MRGPRX3: variants seen among roughly 807,000 people sequenced by gnomAD.
MRGPRX3 encodes mas-related G protein-coupled receptor member X3.
MRGPRX3 carries 14 observed loss-of-function variants against 16.5 expected under a neutral mutation model. That is an observed-to-expected ratio of 0.85 (90% confidence interval 0.56 to 1.33). The LOEUF is 1.33. MRGPRX3 is among the 40% of genes most tolerant of loss of function. MRGPRX3 has a pLI of 0.00. For synonymous variants in MRGPRX3, 199 were observed against 180.1 expected (o/e 1.10, Z -0.84); for missense variants, 449 against 413.0 (o/e 1.09, Z -0.76).
upstream of MRGPRX3, among the ~76,000 whole-genome samples, chr11:18,131,284 A>G (rs765875589): frequency 6.6e-6 from 1 of 152,212 alleles, no homozygotes; most frequent in Non-Finnish European, 1.5e-5. Flanking sequence ...CAAACTAAGC[A>G]TCTGACCAAG....
At chr11:18,124,778 TG>T (rs201885769) in intron 1 of MRGPRX3, among the ~76,000 whole-genome samples, 2,733 of 152,314 alleles carry the variant, frequency 0.018, 99 homozygotes, top group African/African-American at 0.063. Context: ...AGCTCCTCCT[TG>T]TACCTCTGGT....
upstream of MRGPRX3, among the ~76,000 whole-genome samples, chr11:18,128,350 TG>T (rs933278256): frequency 6.6e-6 from 1 of 152,254 alleles, no homozygotes; most frequent in African/African-American, 2.4e-5. Context: ...TGCTGCCTTT[TG>T]TTTGGCTATG....
chr11:18,129,314 A>G (rs908689337), upstream of MRGPRX3, among the ~76,000 whole-genome samples: 8 of 152,254 alleles, frequency 5.3e-5, no homozygotes, highest in Non-Finnish European at 8.8e-5. Flanking sequence ...AAAAGAACAG[A>G]GAAGATTCAA....
intron 1 of MRGPRX3, among the ~76,000 whole-genome samples, chr11:18,125,058 A>G (rs1443759631): frequency 3.5e-5 from 5 of 142,698 alleles, no homozygotes; most frequent in Admixed American, 1.5e-4. Flanking sequence ...TTTTTATTGC[A>G]TCTATTTGAT....
chr11:18,128,051 G>C (rs980193811), upstream of MRGPRX3, among the ~76,000 whole-genome samples: 2 of 152,234 alleles, frequency 1.3e-5, no homozygotes, highest in Non-Finnish European at 2.9e-5. Flanking sequence ...GACCCTGTTT[G>C]CCTGAGTATC....
intron 1 of MRGPRX3, among the ~76,000 whole-genome samples, chr11:18,124,813 G>A (rs1324720483): frequency 1.3e-5 from 2 of 152,122 alleles, no homozygotes; most frequent in African/African-American, 4.8e-5. Flanking sequence ...GAATTCATCT[G>A]GTCCTGGACT....
intron 1 of MRGPRX3, among the ~76,000 whole-genome samples, chr11:18,122,028 A>AG (rs1848844587): frequency 2.5e-4 from 1 of 4,010 alleles, no homozygotes; most frequent in Non-Finnish European, 0.036. Flanking sequence ...AGAAAAAAAG[A>AG]AAAAAAAAAA....
At chr11:18,135,772 G>A (rs559676859) in intron 1 of MRGPRX3, among the ~76,000 whole-genome samples, 1 of 152,072 alleles carries the variant, frequency 6.6e-6, no homozygotes, top group South Asian at 2.1e-4. Context: ...ACACATAGTG[G>A]TGCTGGGTCC....
intron 1 of MRGPRX3, among the ~76,000 whole-genome samples, chr11:18,122,027 G>GAAAA (rs57582114): frequency 2.2e-5 from 3 of 137,362 alleles, no homozygotes; most frequent in South Asian, 2.3e-4. Flanking sequence ...AAGAAAAAAA[G>GAAAA]AAAAAAAAAA....
chr11:18,127,956 A>C (rs1848919383), upstream of MRGPRX3, among the ~76,000 whole-genome samples: 1 of 152,128 alleles, frequency 6.6e-6, no homozygotes. Context: ...TTTGGTGTGG[A>C]TGTCCTTTCT....
chr11:18,131,214 C>T (rs952546912), upstream of MRGPRX3, among the ~76,000 whole-genome samples: 1 of 152,080 alleles, frequency 6.6e-6, no homozygotes, highest in East Asian at 1.9e-4. Flanking sequence ...AGCTTTTGCG[C>T]AGCAAAAACA....
At chr11:18,121,715 C>G (rs901344790) in intron 1 of MRGPRX3, among the ~76,000 whole-genome samples, 1 of 152,214 alleles carries the variant, frequency 6.6e-6, no homozygotes, top group African/African-American at 2.4e-5. Flanking sequence ...ACCCTGTGCT[C>G]TCTGAAACAT....
At chr11:18,123,202 T>C (rs1349638855) in intron 1 of MRGPRX3, among the ~76,000 whole-genome samples, 13 of 152,316 alleles carry the variant, frequency 8.5e-5, no homozygotes, top group South Asian at 4.1e-4. Flanking sequence ...TTAGATCCCA[T>C]TTGTCAATTT....
At position 18,137,529 on chromosome 11, in the gene MRGPRX3, C is replaced by A. The variant is rs749126399; in HGVS notation, c.327C>A (p.Gly109=). ...TGATGACCTTTCCCTACTTTATAGG[C>A]CTAAGCATGCTGAGCGCCATCAGCA... is the stretch of plus-strand genomic sequence containing the variant. ...SPVMTFPYFI[G]LSMLSAISTE... The change falls in exon 2 of 2, where the codon GGC becomes GGA. Residue 109 remains glycine (G), a synonymous_variant. Coordinates refer to ENST00000621697, the MANE Select transcript of MRGPRX3 (RefSeq NM_001370464.1). The A allele has an allele frequency of 1.2e-6, 2 of 1,614,168 alleles. No homozygotes were observed. Among genetic ancestry groups the A allele is most frequent in the Non-Finnish European group, 1.7e-6 (2 of 1,180,040 alleles).
intron 1 of MRGPRX3, among the ~76,000 whole-genome samples, chr11:18,121,922 G>A (rs1848842790): frequency 6.6e-6 from 1 of 150,992 alleles, no homozygotes; most frequent in South Asian, 2.1e-4. Flanking sequence ...TTGTTTATCT[G>A]CTGACCTTCC....
chr11:18,137,380 G>T lies in MRGPRX3; in HGVS notation c.178G>T (p.Ala60Ser). The T allele has an allele frequency of 6.2e-7, 1 of 1,614,188 alleles. No homozygotes were observed. The highest frequency in any genetic ancestry group is 1.1e-5 in the South Asian group (1 of 91,074). Residue 60 changes from alanine (A) to serine (S), a missense_variant, in exon 2 of 2, where the codon GCT becomes TCT. Coordinates refer to ENST00000621697, the MANE Select transcript of MRGPRX3 (RefSeq NM_001370464.1). ...CCTGGGCTGCCGCATGCGCAGGAACGCTGTCTCCATCTACATCCTCAACCT... is the reference window on the plus strand; with the variant it reads ...CCTGGGCTGCCGCATGCGCAGGAACTCTGTCTCCATCTACATCCTCAACCT... ...WLLGCRMRRNAVSIYILNLVA... is the reference protein window; with the variant it reads ...WLLGCRMRRNSVSIYILNLVA...
At chr11:18,125,284 G>C (rs928655954) in intron 1 of MRGPRX3, among the ~76,000 whole-genome samples, 4 of 152,072 alleles carry the variant, frequency 2.6e-5, no homozygotes, top group Non-Finnish European at 5.9e-5. Context: ...TGATGTTAGG[G>C]TGTCAATTTT....
chr11:18,123,504 G>T (rs1377500458), intron 1 of MRGPRX3, among the ~76,000 whole-genome samples: 1 of 152,140 alleles, frequency 6.6e-6, no homozygotes, highest in Non-Finnish European at 1.5e-5. Context: ...TCGTAGATAT[G>T]TGGCATTATT....
Position 18,137,662 on chromosome 11 carries a change from A to G in MRGPRX3, c.460A>G (p.Ser154Gly), listed in dbSNP as rs762118089. ...VLLWALSLLR[S>G]ILEWMFCDFL... ...GCTCTGGGCCCTGTCCCTGCTGCGGAGTATCCTGGAGTGGATGTTCTGTGA... is the reference window on the plus strand; with the variant it reads ...GCTCTGGGCCCTGTCCCTGCTGCGGGGTATCCTGGAGTGGATGTTCTGTGA... Residue 154 changes from serine (S) to glycine (G), a missense_variant, in exon 2 of 2, where the codon AGT becomes GGT. Physicochemically the swap from Ser to Gly is moderately conservative, Grantham distance 56. Coordinates refer to ENST00000621697, the MANE Select transcript of MRGPRX3 (RefSeq NM_001370464.1). 6.2e-7 allele frequency: 1 copy of G among 1,614,004 alleles called. No individual in the cohort carries two copies. Among genetic ancestry groups the G allele is most frequent in the South Asian group, 1.1e-5 (1 of 91,066 alleles).
Sources: gnomAD v4.1 joint callset for allele counts (sites outside exome capture counted in the v4.1 genomes callset) on GRCh38, gnomAD v4.1.1 for gene constraint, MANE v1.5 for transcripts, NCBI Gene and HGNC (gene_info 2026-07-23, HGNC 2026-07-21) for gene names.